The following GRIK4 variants were observed in gnomAD, a reference collection of about 807,000 sequenced individuals.
The protein encoded by GRIK4 is glutamate ionotropic receptor kainate type subunit 4, also known as glutamate receptor ionotropic, kainate 4.
A neutral mutation model predicts 104.9 loss-of-function variants in GRIK4; 40 were observed. The observed-to-expected ratio is 0.38, with a 90% CI of 0.30 to 0.50. GRIK4 has a LOEUF of 0.50. GRIK4 is among the 20% of genes least tolerant of loss of function. The pLI, the probability that GRIK4 is intolerant of heterozygous loss-of-function variation, is 0.93. For synonymous variants in GRIK4, 485 were observed against 524.9 expected, an observed-to-expected ratio of 0.92 and a Z score of 1.04; for missense variants, 1,047 against 1,308.1, an observed-to-expected ratio of 0.80 and a Z score of 3.08.
intron 3 of GRIK4, among the ~76,000 whole-genome samples, chr11:120,680,742 G>A (rs982242176): frequency 1.3e-5 from 2 of 152,214 alleles, no homozygotes; most frequent in East Asian, 3.8e-4. Context: ...AAATAGGACA[G>A]CAAAGCACCT....
intron 3 of GRIK4, among the ~76,000 whole-genome samples, chr11:120,681,593 T>C (rs1950194043): frequency 1.3e-5 from 2 of 152,204 alleles, no homozygotes; most frequent in African/African-American, 4.8e-5. Flanking sequence ...GTTTGATGCA[T>C]TCGGTGAGGC....
intron 1 of GRIK4, among the ~76,000 whole-genome samples, chr11:120,517,272 G>C (rs1360266528): frequency 6.7e-6 from 1 of 149,348 alleles, no homozygotes; most frequent in Admixed American, 6.6e-5. Context: ...ACAGACACTT[G>C]TTACAGAGAT....
At chr11:120,983,213 C>CT (rs1944681541) in intron 20 of GRIK4, among the ~76,000 whole-genome samples, 1 of 152,170 alleles carries the variant, frequency 6.6e-6, no homozygotes, top group Non-Finnish European at 1.5e-5. Flanking sequence ...TCTGCCTGCT[C>CT]TTTCTCCAGT....
At chr11:120,861,430 C>T (rs528039141) in intron 8 of GRIK4, among the ~76,000 whole-genome samples, 1 of 152,008 alleles carries the variant, frequency 6.6e-6, no homozygotes, top group Non-Finnish European at 1.5e-5. Flanking sequence ...AAAAAGGAAC[C>T]TGGATGATGC....
intron 13 of GRIK4, among the ~76,000 whole-genome samples, chr11:120,907,082 T>C (rs750527751): frequency 6.6e-6 from 1 of 152,240 alleles, no homozygotes; most frequent in Non-Finnish European, 1.5e-5. Flanking sequence ...CGTGCTTAAG[T>C]GGAAGAGGAT....
intron 3 of GRIK4, among the ~76,000 whole-genome samples, chr11:120,746,129 A>G (rs948140363): frequency 2.0e-5 from 3 of 152,232 alleles, no homozygotes; most frequent in Admixed American, 2.0e-4. Context: ...AAGGTGCTTC[A>G]TAAATGTCAG....
intron 1 of GRIK4, among the ~76,000 whole-genome samples, chr11:120,590,364 G>T (rs983048566): frequency 1.3e-5 from 2 of 152,202 alleles, no homozygotes; most frequent in African/African-American, 4.8e-5. Context: ...GTCTGAATTG[G>T]AATGAAATTG....
rs190446543 is a variant in GRIK4, at chr11:120,644,928, G to A, written c.-158-8757G>A. On this transcript the variant is annotated intron_variant, in intron 1 of 20. Transcript: ENST00000527524. ...AAAAGAGGACAAAAAAGAAAAAAAA[G>A]AACTTGGTGGAGATATGAGAGCTTT... Among the ~76,000 whole-genome samples the A allele has an allele frequency of 4.8e-3, 729 of 152,222 alleles. 2 individuals carry two copies. Among genetic ancestry groups the A allele is most frequent in the Non-Finnish European group, 7.0e-3 (473 of 68,012 alleles).
At chr11:120,975,366 A>G (rs1944544221) in intron 19 of GRIK4, among the ~76,000 whole-genome samples, 9 of 152,142 alleles carry the variant, frequency 5.9e-5, no homozygotes, top group Admixed American at 5.9e-4. Context: ...AAACCTGAAT[A>G]TGGGAATTTA....
intron 3 of GRIK4, among the ~76,000 whole-genome samples, chr11:120,727,080 A>C (rs568926886): frequency 6.6e-6 from 1 of 152,260 alleles, no homozygotes; most frequent in Admixed American, 6.5e-5. Flanking sequence ...CTAGCAACAG[A>C]TTTGCACTGG....
intron 7 of GRIK4, 150 bp downstream of exon 7, chr11:120,832,180 G>A (rs937614317): frequency 3.9e-5 from 22 of 558,104 alleles, no homozygotes; most frequent in Middle Eastern, 4.8e-4. Context: ...TTCAATGAGC[G>A]GTTCCCGAAA....
chr11:120,548,751 T>A (rs985444877), intron 1 of GRIK4, among the ~76,000 whole-genome samples: 4 of 152,132 alleles, frequency 2.6e-5, no homozygotes, highest in African/African-American at 9.7e-5. Context: ...TGGGGCTGCC[T>A]ACCCCAGCTC....
chr11:120,886,383 A>T (rs1393769753), intron 11 of GRIK4, among the ~76,000 whole-genome samples: 2 of 152,158 alleles, frequency 1.3e-5, no homozygotes, highest in East Asian at 3.9e-4. Context: ...TCGTGTTCCT[A>T]CCTACAAGAA....
rs1359751603 is a variant in GRIK4, at chr11:120,555,586, G to C, written c.-159+43699G>C. ...CCCTCACGGTCCGCCTGCCTTTCCCGACCTACCCACTTCTGGGGAGTTTCT... is the reference window on the plus strand; with the variant it reads ...CCCTCACGGTCCGCCTGCCTTTCCCCACCTACCCACTTCTGGGGAGTTTCT... On this transcript the variant is annotated intron_variant, in intron 1 of 20. Coordinates refer to ENST00000527524, the MANE Select transcript of GRIK4 (RefSeq NM_014619.5). The surrounding 1 kb of genome is among the most constrained non-coding windows in gnomAD (Gnocchi z 5.3). Among the ~76,000 whole-genome samples the C allele has an allele frequency of 6.6e-6, 1 of 152,130 alleles. No individual in the cohort carries two copies. The highest frequency in any genetic ancestry group is 2.1e-4 in the South Asian group (1 of 4,826).
intron 3 of GRIK4, among the ~76,000 whole-genome samples, chr11:120,755,283 G>C (rs1207599894): frequency 6.6e-6 from 1 of 152,090 alleles, no homozygotes; most frequent in African/African-American, 2.4e-5. Flanking sequence ...AGAGCCAGGT[G>C]CTCAGGGAGC....
At chr11:120,732,753 T>G (rs1951157861) in intron 3 of GRIK4, among the ~76,000 whole-genome samples, 1 of 152,236 alleles carries the variant, frequency 6.6e-6, no homozygotes, top group Non-Finnish European at 1.5e-5. Context: ...TTTTGTGACG[T>G]AGCATATGGT....
intron 11 of GRIK4, among the ~76,000 whole-genome samples, chr11:120,881,254 C>T (rs991535007): frequency 6.6e-6 from 1 of 152,196 alleles, no homozygotes; most frequent in Non-Finnish European, 1.5e-5. Context: ...ATTTGTTTTC[C>T]AATTTTTTTA....
intron 3 of GRIK4, 131 bp from the exon 4 acceptor site, chr11:120,802,562 C>A: frequency 1.3e-6 from 1 of 771,586 alleles, no homozygotes; most frequent in Admixed American, 2.0e-5. Context: ...CGGTTCTGAG[C>A]ATGGCAGGAT....
chr11:120,857,347 G>A lies in GRIK4; in HGVS notation c.745-4612G>A, dbSNP rs906227839. 1.2e-4 allele frequency among the ~76,000 whole-genome samples: 18 copies of A among 152,258 alleles called. No individual in the cohort carries two copies. In the South Asian group the frequency reaches 1.7e-3, roughly 14 times the overall value. ...CAGAAAGTGAGGGGCGCCCTTCCAC[G>A]TAGCTCTCAAGCCATTATCCGTGAA... On this transcript the variant is annotated intron_variant, in intron 8 of 20. Transcript: ENST00000527524.
Sources: allele counts gnomAD v4.1 joint callset (sites outside exome capture counted in the v4.1 genomes callset), GRCh38; gene constraint gnomAD v4.1.1; non-coding constraint Gnocchi (gnomAD v3.1); transcripts MANE v1.5; gene names NCBI Gene and HGNC (gene_info 2026-07-23, HGNC 2026-07-21).